Variants in ADORA2B observed in about 807,000 individuals in gnomAD.
ADORA2B encodes the protein adenosine receptor A2b.
ADORA2B carries 18 observed loss-of-function variants against 20.8 expected under a neutral mutation model. The observed-to-expected ratio is 0.87, with a 90% CI of 0.60 to 1.29. ADORA2B has a LOEUF of 1.29. Among genes scored for constraint, ADORA2B ranks in the 50% most tolerant of loss-of-function variants. ADORA2B has a pLI of 0.00. For synonymous variants in ADORA2B, 179 were observed against 178.3 expected (o/e 1.00, Z -0.03); for missense variants, 441 against 422.7 (o/e 1.04, Z -0.38).
chr17:15,854,145 G>C, the ADORA2B span, among the ~76,000 whole-genome samples: 1 of 152,148 alleles, frequency 6.6e-6, no homozygotes, highest in African/African-American at 2.4e-5. Flanking sequence ...AGTGGAGGCG[G>C]GGTTTCTCCA....
chr17:15,900,965 A>G, the ADORA2B span, among the ~76,000 whole-genome samples: 1 of 152,130 alleles, frequency 6.6e-6, no homozygotes, highest in East Asian at 1.9e-4. Context: ...AACAGTCAGA[A>G]CGTGTGTCCC....
chr17:15,942,672 G>A (rs191686847), upstream of ADORA2B, among the ~76,000 whole-genome samples: 65 of 152,246 alleles, frequency 4.3e-4, 3 homozygotes, highest in South Asian at 3.3e-3. Context: ...GCCAGACACC[G>A]TTCGCCTCCT....
intron 1 of ADORA2B, among the ~76,000 whole-genome samples, chr17:15,959,006 TG>T (rs1399161622): frequency 2.6e-5 from 4 of 152,244 alleles, no homozygotes; most frequent in African/African-American, 9.6e-5. Flanking sequence ...TGTCTCTGTG[TG>T]TGTATAATCG....
the ADORA2B span, among the ~76,000 whole-genome samples, chr17:15,936,007 C>T: frequency 6.6e-6 from 1 of 151,584 alleles, no homozygotes; most frequent in African/African-American, 2.4e-5. Context: ...GCTGGAATTA[C>T]AGGAGCGTGC....
chr17:15,893,845 T>G, the ADORA2B span, among the ~76,000 whole-genome samples: 1 of 152,192 alleles, frequency 6.6e-6, no homozygotes. Context: ...ATAACAAGTG[T>G]TGGCAGATTT....
At chr17:15,899,991 C>G in the ADORA2B span, among the ~76,000 whole-genome samples, 1 of 151,978 alleles carries the variant, frequency 6.6e-6, no homozygotes, top group Non-Finnish European at 1.5e-5. Context: ...GCCACCATGC[C>G]CAGCTAATTT....
chr17:15,905,578 C>T, the ADORA2B span, among the ~76,000 whole-genome samples: 1 of 151,630 alleles, frequency 6.6e-6, no homozygotes, highest in Non-Finnish European at 1.5e-5. Flanking sequence ...GACGGGTTTT[C>T]ACCATGTTAG....
the ADORA2B span, among the ~76,000 whole-genome samples, chr17:15,933,584 T>TTA: frequency 1.4e-3 from 211 of 152,280 alleles, no homozygotes; most frequent in African/African-American, 5.0e-3. Context: ...TTTCTTAATT[T>TTA]TAAGATTATT....
chr17:15,870,351 A>G, the ADORA2B span, among the ~76,000 whole-genome samples: 1 of 151,252 alleles, frequency 6.6e-6, no homozygotes, highest in Non-Finnish European at 1.5e-5. Flanking sequence ...TTCAAATCCT[A>G]TTTGGGGCCT....
chr17:15,943,542 A>G (rs140246176), upstream of ADORA2B, among the ~76,000 whole-genome samples: 1 of 152,324 alleles, frequency 6.6e-6, no homozygotes, highest in East Asian at 1.9e-4. Flanking sequence ...TACATTGGCC[A>G]GGCTGGTCTT....
the ADORA2B span, among the ~76,000 whole-genome samples, chr17:15,924,651 A>G: frequency 2.6e-5 from 4 of 151,888 alleles, no homozygotes; most frequent in African/African-American, 9.7e-5. Flanking sequence ...GAGGCAGGAG[A>G]ATGGCGTGAA....
At chr17:15,921,938 A>G in the ADORA2B span, among the ~76,000 whole-genome samples, 3 of 152,288 alleles carry the variant, frequency 2.0e-5, no homozygotes, top group African/African-American at 7.2e-5. Flanking sequence ...GTTATATTTC[A>G]TTAGTCCCAT....
chr17:15,899,713 A>G, the ADORA2B span, among the ~76,000 whole-genome samples: 6 of 152,040 alleles, frequency 3.9e-5, no homozygotes, highest in African/African-American at 1.5e-4. Flanking sequence ...TTCTGTTTCT[A>G]TGTGGGTTAG....
chr17:15,913,574 G>C, the ADORA2B span, among the ~76,000 whole-genome samples: 1 of 152,086 alleles, frequency 6.6e-6, no homozygotes, highest in Non-Finnish European at 1.5e-5. Context: ...TATCACTTAT[G>C]GTATCATGAA....
At chr17:15,952,306 T>A (rs1351702690) in intron 1 of ADORA2B, among the ~76,000 whole-genome samples, 2 of 152,142 alleles carry the variant, frequency 1.3e-5, no homozygotes, top group South Asian at 2.1e-4. Context: ...TGGCAGCCAT[T>A]GTTCCCAAGC....
chr17:15,876,119 C>T, the ADORA2B span, among the ~76,000 whole-genome samples: 3 of 151,932 alleles, frequency 2.0e-5, no homozygotes, highest in Non-Finnish European at 2.9e-5. Flanking sequence ...TTTTTTTTTC[C>T]TCCAGTATCT....
intron 1 of ADORA2B, among the ~76,000 whole-genome samples, chr17:15,960,875 C>CAAA (rs34117116): frequency 8.6e-6 from 1 of 116,006 alleles, no homozygotes; most frequent in African/African-American, 3.3e-5. Flanking sequence ...GACTCCGTCT[C>CAAA]AAAAAAAAAA....
intron 1 of ADORA2B, among the ~76,000 whole-genome samples, chr17:15,973,486 A>G (rs1970211646): frequency 6.6e-6 from 1 of 152,214 alleles, no homozygotes; most frequent in Non-Finnish European, 1.5e-5. Flanking sequence ...GCAGACTAGT[A>G]CTGGTCCGTG....
the ADORA2B span, among the ~76,000 whole-genome samples, chr17:15,889,175 A>G: frequency 1.6e-5 from 2 of 126,806 alleles, no homozygotes; most frequent in African/African-American, 6.8e-5. Context: ...GCCCACCACT[A>G]ATATTTTTAA....
Sources: allele counts gnomAD v4.1 joint callset (sites outside exome capture counted in the v4.1 genomes callset), GRCh38; gene constraint gnomAD v4.1.1; transcripts MANE v1.5; gene names NCBI Gene and HGNC (gene_info 2026-07-23, HGNC 2026-07-21).